The following C4orf36 variants were observed in gnomAD, a reference collection of about 807,000 sequenced individuals.
The protein encoded by C4orf36 is uncharacterized protein C4orf36.
A neutral mutation model predicts 12.2 loss-of-function variants in C4orf36; 11 were observed. The ratio of observed to expected loss-of-function variants is 0.90; its 90% CI spans 0.57 to 1.49. C4orf36 has a LOEUF of 1.49. Among genes scored for constraint, C4orf36 ranks in the 40% most tolerant of loss-of-function variants. C4orf36 has a pLI of 0.00. For synonymous variants in C4orf36, 54 were observed against 51.3 expected (o/e 1.05, Z -0.22); for missense variants, 137 against 133.9 (o/e 1.02, Z -0.11).
chr4:86,904,126 C>G, the C4orf36 span, among the ~76,000 whole-genome samples: 13 of 152,384 alleles, frequency 8.5e-5, no homozygotes, highest in Non-Finnish European at 1.6e-4. Flanking sequence ...CTTTGCGTCA[C>G]CCAGCCTGGG....
rs1051541886 is a variant in C4orf36 at position 86,880,438 on chromosome 4, A to G, written c.*3-3995T>C. Among the ~76,000 whole-genome samples, 6 of 152,322 alleles carry G rather than the reference A, an allele frequency of 3.9e-5. No homozygotes were observed. The East Asian group carries it at 1.2e-3, about 30-fold the overall frequency. ...CACTGCACTCCAGCCTGGGTGACAGAGCGAGACTCCGTCTCAAATAAAAGA... is the reference window on the plus strand; with the variant it reads ...CACTGCACTCCAGCCTGGGTGACAGGGCGAGACTCCGTCTCAAATAAAAGA... On this transcript the variant is annotated intron_variant, in intron 4 of 4. Transcript: ENST00000295898.
At chr4:86,927,193 A>G in the C4orf36 span, among the ~76,000 whole-genome samples, 1 of 152,202 alleles carries the variant, frequency 6.6e-6, no homozygotes, top group African/African-American at 2.4e-5. Context: ...GAATGAATAC[A>G]TGAATAAATA....
intron 4 of C4orf36, among the ~76,000 whole-genome samples, chr4:86,880,072 T>G (rs1747015190): frequency 6.6e-6 from 1 of 152,170 alleles, no homozygotes; most frequent in Admixed American, 6.5e-5. Flanking sequence ...CAAGCTGTTC[T>G]TAAACTCCTG....
chr4:86,909,220 T>C, the C4orf36 span, among the ~76,000 whole-genome samples: 2 of 152,100 alleles, frequency 1.3e-5, no homozygotes, highest in Non-Finnish European at 2.9e-5. Flanking sequence ...GCTAACACCA[T>C]TACATATGAG....
the C4orf36 span, among the ~76,000 whole-genome samples, chr4:86,920,279 A>T: frequency 6.6e-6 from 1 of 152,168 alleles, no homozygotes; most frequent in Non-Finnish European, 1.5e-5. Context: ...ATCTATAATT[A>T]GTCTCAGCCC....
chr4:86,894,041 C>T (rs1235728700), upstream of C4orf36, among the ~76,000 whole-genome samples: 2 of 151,998 alleles, frequency 1.3e-5, no homozygotes, highest in Admixed American at 6.6e-5. Context: ...GGACTACAGG[C>T]GCCCGCCACC....
At chr4:86,914,815 A>G in the C4orf36 span, 1 of 456,516 alleles carries the variant, frequency 2.2e-6, no homozygotes, top group Admixed American at 2.9e-5. Flanking sequence ...GTGCAGTGAC[A>G]TTATTCTTAG....
chr4:86,886,918 G>A (rs1026337351), intron 4 of C4orf36: 1 of 152,168 alleles, frequency 6.6e-6, no homozygotes, highest in African/African-American at 2.4e-5. Context: ...ATGCACCATG[G>A]AATACTATGC....
At chr4:86,923,439 G>A in the C4orf36 span, among the ~76,000 whole-genome samples, 1 of 150,126 alleles carries the variant, frequency 6.7e-6, no homozygotes, top group Non-Finnish European at 1.5e-5. Context: ...AGTTAACCAT[G>A]TTTTATTAGT....
rs1359394099 is a variant in C4orf36, at chr4:86,876,362, C to T, written c.*84G>A. ...GCTGCAGCGCAGCGACGGCCGGGGCCGGGAGCGGGTCCTGGGCGGCCCAGG... is the reference window on the plus strand; with the variant it reads ...GCTGCAGCGCAGCGACGGCCGGGGCTGGGAGCGGGTCCTGGGCGGCCCAGG... On this transcript the variant is annotated 3_prime_UTR_variant, in exon 5 of 5. Coordinates refer to ENST00000295898, the MANE Select transcript of C4orf36 (RefSeq NM_144645.4). The T allele has an allele frequency of 3.2e-6, 5 of 1,584,350 alleles. No individual in the cohort carries two copies. The highest frequency in any genetic ancestry group is 2.7e-5 in the African/African-American group (2 of 73,980).
At chr4:86,901,636 T>A in the C4orf36 span, among the ~76,000 whole-genome samples, 1 of 150,824 alleles carries the variant, frequency 6.6e-6, no homozygotes, top group African/African-American at 2.4e-5. Flanking sequence ...TGGTCTCGAT[T>A]TCCTGACCTC....
chr4:86,888,051 A>G, intron 3 of C4orf36, 70 bp downstream of exon 3: 7 of 1,570,284 alleles, frequency 4.5e-6, no homozygotes, highest in Non-Finnish European at 6.1e-6. Flanking sequence ...ACACAGATTT[A>G]AACATTTCTC....
the C4orf36 span, among the ~76,000 whole-genome samples, chr4:86,922,235 T>C: frequency 6.6e-6 from 1 of 152,214 alleles, no homozygotes; most frequent in Non-Finnish European, 1.5e-5. Context: ...ACTAAAAATC[T>C]TTTACATTGT....
the C4orf36 span, among the ~76,000 whole-genome samples, chr4:86,918,611 A>G: frequency 1.3e-5 from 2 of 152,184 alleles, no homozygotes; most frequent in Admixed American, 6.5e-5. Context: ...TCACAAATCA[A>G]CAGGTAGAAT....
At chr4:86,895,628 C>G (rs1485442371), upstream of C4orf36, among the ~76,000 whole-genome samples, 2 of 152,218 alleles carry the variant, frequency 1.3e-5, no homozygotes, top group Non-Finnish European at 2.9e-5. Flanking sequence ...ATACAATTTT[C>G]TAGAAGGTGG....
chr4:86,913,799 G>A, the C4orf36 span: 1 of 1,122,186 alleles, frequency 8.9e-7, no homozygotes, highest in Non-Finnish European at 1.3e-6. Context: ...TGCTGCCCCA[G>A]TGCATACTGA....
At chr4:86,908,031 G>A in the C4orf36 span, among the ~76,000 whole-genome samples, 1 of 152,066 alleles carries the variant, frequency 6.6e-6, no homozygotes, top group South Asian at 2.1e-4. Flanking sequence ...TCCAGTGGGA[G>A]GGCCACAACA....
At chr4:86,913,508 C>G in the C4orf36 span, 3 of 816,748 alleles carry the variant, frequency 3.7e-6, no homozygotes, top group Non-Finnish European at 6.4e-6. Flanking sequence ...GAACGTCCAA[C>G]CTGGAGATGA....
At chr4:86,917,368 G>GAAGGAAGGAAGGA in the C4orf36 span, among the ~76,000 whole-genome samples, 4 of 147,972 alleles carry the variant, frequency 2.7e-5, no homozygotes, top group African/African-American at 1.0e-4. Flanking sequence ...GGAAAGGATG[G>GAAGGAAGGAAGGA]AAGGAAGGAA....
Sources: allele counts gnomAD v4.1 joint callset (sites outside exome capture counted in the v4.1 genomes callset), GRCh38; gene constraint gnomAD v4.1.1; transcripts MANE v1.5; gene names NCBI Gene and HGNC (gene_info 2026-07-23, HGNC 2026-07-21).